Variants in TMEM114 observed in about 807,000 individuals in gnomAD.
The protein encoded by TMEM114 is transmembrane protein 114, also known as claudin-26.
In TMEM114, 6 loss-of-function variants were observed where a neutral mutation model predicts 6.2. That is an observed-to-expected ratio of 0.97 (90% confidence interval 0.53 to 1.91). The LOEUF is 1.91. Among genes scored for constraint, TMEM114 ranks in the 40% most tolerant of loss-of-function variants. The probability of loss-of-function intolerance (pLI) is 0.01; values close to 1 mark genes in which losing one functional copy is unlikely to be tolerated. For synonymous variants in TMEM114, 104 were observed against 73.0 expected (o/e 1.42, Z -2.16); for missense variants, 218 against 158.3 (o/e 1.38, Z -2.02).
downstream of TMEM114, among the ~76,000 whole-genome samples, chr16:8,534,176 G>C (rs1489746952): frequency 1.3e-5 from 2 of 152,202 alleles, no homozygotes; most frequent in Non-Finnish European, 2.9e-5. Context: ...GCTCTGCCCA[G>C]ATGGGGACAA....
chr16:8,554,043 T>A (rs1426612188), intron 2 of TMEM114, among the ~76,000 whole-genome samples: 2 of 151,990 alleles, frequency 1.3e-5, no homozygotes, highest in Non-Finnish European at 2.9e-5. Context: ...CACACCCAGT[T>A]AATTTTTGTG....
At chr16:8,534,238 C>G (rs1900292675), downstream of TMEM114, among the ~76,000 whole-genome samples, 1 of 151,920 alleles carries the variant, frequency 6.6e-6, no homozygotes, top group African/African-American at 2.4e-5. Context: ...AAACTGCAGA[C>G]AATTAATCTG....
chr16:8,561,058 G>C (rs1185328124), intron 2 of TMEM114, among the ~76,000 whole-genome samples: 2 of 152,174 alleles, frequency 1.3e-5, no homozygotes, highest in Non-Finnish European at 2.9e-5. Context: ...GCTACCACGA[G>C]AACAGTATGG....
chr16:8,556,898 C>T (rs972668613), intron 2 of TMEM114, among the ~76,000 whole-genome samples: 3 of 152,178 alleles, frequency 2.0e-5, no homozygotes, highest in Non-Finnish European at 4.4e-5. Flanking sequence ...AATGCTCCTC[C>T]CTGTGGCCTT....
chr16:8,557,371 G>A (rs1162733233), intron 2 of TMEM114, among the ~76,000 whole-genome samples: 1 of 152,074 alleles, frequency 6.6e-6, no homozygotes, highest in Non-Finnish European at 1.5e-5. Context: ...TAGCCCATGG[G>A]GAGAGCCATA....
chr16:8,533,830 G>C (rs767254672), downstream of TMEM114, among the ~76,000 whole-genome samples: 2 of 152,206 alleles, frequency 1.3e-5, no homozygotes, highest in African/African-American at 2.4e-5. Flanking sequence ...GGTTTCCTGT[G>C]ATTGGGAAGG....
At chr16:8,570,168 C>T (rs1901684638) in intron 3 of TMEM114, among the ~76,000 whole-genome samples, 163 bp from the exon 4 acceptor site, 1 of 152,186 alleles carries the variant, frequency 6.6e-6, no homozygotes, top group South Asian at 2.1e-4. Flanking sequence ...GGTGCATTCA[C>T]CCCTGCTTCT....
At chr16:8,543,314 CT>C (rs1217087183) in intron 2 of TMEM114, among the ~76,000 whole-genome samples, 1 of 152,146 alleles carries the variant, frequency 6.6e-6, no homozygotes, top group Non-Finnish European at 1.5e-5. Context: ...TTGCCCTGCC[CT>C]GCAGAACCCA....
the TMEM114 span, among the ~76,000 whole-genome samples, chr16:8,529,169 A>C: frequency 6.6e-6 from 1 of 152,174 alleles, no homozygotes; most frequent in African/African-American, 2.4e-5. Flanking sequence ...ATCCTCCATC[A>C]TTATGGGAAG....
In TMEM114 at chr16:8,569,812, G is replaced by T; in HGVS notation, c.633C>A (p.Arg211=). The T allele has an allele frequency of 1.3e-6, 2 of 1,550,854 alleles. No individual in the cohort carries two copies. The highest frequency in any genetic ancestry group is 2.4e-5 in the South Asian group (2 of 84,054). The change falls in exon 4 of 4, where the codon CGC becomes CGA. Residue 211 remains arginine (R), a synonymous_variant. Transcript: ENST00000620492. ...LTGAAFLAAA[R]ELSLRRRQDQ... ...CCTGCCTCCGTCTCAGGCTGAGCTCGCGGGCTGCTGCCAGGAAGGCTGCCC... is the reference window on the plus strand; with the variant it reads ...CCTGCCTCCGTCTCAGGCTGAGCTCTCGGGCTGCTGCCAGGAAGGCTGCCC...
At chr16:8,587,521 A>G (rs1902353277) in intron 2 of TMEM114, among the ~76,000 whole-genome samples, 1 of 152,222 alleles carries the variant, frequency 6.6e-6, no homozygotes, top group African/African-American at 2.4e-5. Context: ...AGGGAACAGC[A>G]TGTGCAAAAT....
At chr16:8,571,409 G>A (rs551711133) in intron 3 of TMEM114, among the ~76,000 whole-genome samples, 44 of 152,228 alleles carry the variant, frequency 2.9e-4, no homozygotes, top group Admixed American at 3.9e-4. Flanking sequence ...ACACAGGCAC[G>A]GCCTCACATA....
the TMEM114 span, among the ~76,000 whole-genome samples, chr16:8,529,726 A>G: frequency 6.6e-6 from 1 of 151,030 alleles, no homozygotes; most frequent in African/African-American, 2.5e-5. Context: ...TTAAAAGAAA[A>G]CTTAAAAAAA....
downstream of TMEM114, among the ~76,000 whole-genome samples, chr16:8,534,701 C>T (rs553693001): frequency 4.2e-4 from 64 of 152,282 alleles, no homozygotes; most frequent in African/African-American, 1.5e-3. Context: ...GTCCTTTGAT[C>T]CTCAGGACTC....
chr16:8,547,016 G>C (rs976573720), intron 2 of TMEM114, among the ~76,000 whole-genome samples: 1 of 152,206 alleles, frequency 6.6e-6, no homozygotes, highest in Admixed American at 6.5e-5. Context: ...TAAAATACTT[G>C]TATGTACAAG....
intron 2 of TMEM114, among the ~76,000 whole-genome samples, chr16:8,582,479 C>T (rs1902184497): frequency 6.6e-6 from 1 of 152,204 alleles, no homozygotes; most frequent in Non-Finnish European, 1.5e-5. Context: ...TAGCAGGACT[C>T]TGAACCCCAG....
In TMEM114 at chr16:8,560,537, G is replaced by A. The variant is rs148893170; in HGVS notation, n.213-22711C>T. 7.9e-3 allele frequency among the ~76,000 whole-genome samples: 1,196 copies of A among 152,288 alleles called. 9 individuals carry two copies. Among genetic ancestry groups the A allele is most frequent in the Middle Eastern group, 0.017 (5 of 294 alleles). ...ACGCACTTCCTGCTGGCTCCAAAAGGCGGGTTGTTTATTCTCAAGGAAGAA... is the reference window on the plus strand; with the variant it reads ...ACGCACTTCCTGCTGGCTCCAAAAGACGGGTTGTTTATTCTCAAGGAAGAA... On this transcript the variant is annotated intron_variant and non_coding_transcript_variant, in intron 2 of 2. Coordinates refer to the TMEM114 transcript ENST00000623677.
At chr16:8,530,811 G>C in the TMEM114 span, among the ~76,000 whole-genome samples, 3 of 152,074 alleles carry the variant, frequency 2.0e-5, no homozygotes, top group Admixed American at 6.5e-5. Flanking sequence ...ATTGCTTGAG[G>C]CCAGGAGTTT....
At chr16:8,567,299 A>G (rs1324775745), downstream of TMEM114, among the ~76,000 whole-genome samples, 1 of 152,090 alleles carries the variant, frequency 6.6e-6, no homozygotes. Context: ...ATCTGTTCCC[A>G]TGTGAGCTAG....
Sources: gnomAD v4.1 joint callset for allele counts (sites outside exome capture counted in the v4.1 genomes callset) on GRCh38, gnomAD v4.1.1 for gene constraint, MANE v1.5 for transcripts, NCBI Gene and HGNC (gene_info 2026-07-23, HGNC 2026-07-21) for gene names.